The following ZFP42 variants were observed in gnomAD, a reference collection of about 807,000 sequenced individuals.
ZFP42 encodes the protein ZFP42 zinc finger protein, also known as zinc finger protein 42 homolog.
For synonymous variants in ZFP42, 175 were observed against 144.6 expected, an observed-to-expected ratio of 1.21 and a Z score of -1.51; for missense variants, 438 against 377.1, an observed-to-expected ratio of 1.16 and a Z score of -1.34.
At chr4:187,996,658 C>G (rs1482390236) in intron 1 of ZFP42, among the ~76,000 whole-genome samples, 2 of 152,108 alleles carry the variant, frequency 1.3e-5, no homozygotes, top group African/African-American at 4.8e-5. Context: ...TCCAATCCAC[C>G]GGCGAGCTGC....
chr4:188,003,689 C>T lies in ZFP42; in HGVS notation c.882C>T (p.Ala294=). The change falls in exon 4 of 4, where the codon GCC becomes GCT. Residue 294 remains alanine (A), a synonymous_variant. Coordinates refer to ENST00000326866, the MANE Select transcript of ZFP42 (RefSeq NM_174900.5). ...RRFIQSNNLK[A]HILTHANTNK... is the part of the protein sequence containing the mutation. ...TTATTCAGTCAAATAACCTGAAAGC[C>T]CACATCCTAACGCATGCAAATACGA... 1 of 1,613,914 alleles carries T rather than the reference C, an allele frequency of 6.2e-7. No individual in the cohort carries two copies. Among genetic ancestry groups the T allele is most frequent in the Non-Finnish European group, 8.5e-7 (1 of 1,180,002 alleles).
intron 3 of ZFP42, among the ~76,000 whole-genome samples, chr4:188,002,205 G>A (rs192904286): frequency 8.1e-4 from 123 of 152,212 alleles, no homozygotes; most frequent in African/African-American, 2.8e-3. Context: ...AGAAAAGACA[G>A]TATTTTGCTC....
intron 1 of ZFP42, among the ~76,000 whole-genome samples, chr4:187,996,722 TCCTCTGCCG>T (rs1179550565): frequency 6.6e-6 from 1 of 152,106 alleles, no homozygotes; most frequent in Non-Finnish European, 1.5e-5. Context: ...GCATTTCATC[TCCTCTGCCG>T]CCATCTGCTC....
At chr4:188,000,581 C>A (rs1733772550) in intron 3 of ZFP42, among the ~76,000 whole-genome samples, 1 of 152,040 alleles carries the variant, frequency 6.6e-6, no homozygotes, top group South Asian at 2.1e-4. Flanking sequence ...GCCATATTGG[C>A]CAGGCTGGTC....
Position 187,995,797 on chromosome 4 carries a change from AG to A in ZFP42, c.-380del, listed in dbSNP as rs1269771468. The A allele has an allele frequency of 6.6e-6, 1 of 152,234 alleles. No individual in the cohort carries two copies. The highest frequency in any genetic ancestry group is 1.5e-5 in the Non-Finnish European group (1 of 68,116). The allele number at this position is 152,234 out of a possible 1,614,324, so 9.4% of individuals were successfully genotyped here. A position where few individuals can be genotyped will look rare whatever the true frequency, so the allele number is the denominator to read the frequency against. On this transcript the variant is annotated 5_prime_UTR_variant, in exon 1 of 4. Transcript: ENST00000326866. ...GTTTCTCCTTTGTTTTACGTTTGGG[AG>A]GAGGTGGCATTGGAAATAGCAGAGT...
rs1733731675 is a variant in ZFP42 at position 187,999,605 on chromosome 4, C to T, written c.-172-4C>T. 6.6e-6 allele frequency: 1 copy of T among 152,234 alleles called. No individual in the cohort carries two copies. Among genetic ancestry groups the T allele is most frequent in the African/African-American group, 2.4e-5 (1 of 41,456 alleles). 9.4% of individuals were successfully genotyped at this position (152,234 alleles called of 1,614,324 possible). ...AATGCATACTCATGATTTCATCTCA[C>T]TAGACAAATGTACTGAGGCTGGAGC... On this transcript the variant is annotated splice_region_variant and splice_polypyrimidine_tract_variant and intron_variant, in intron 2 of 3. Transcript: ENST00000326866.
At chr4:187,998,284 G>A (rs184652030) in intron 1 of ZFP42, among the ~76,000 whole-genome samples, 2 of 152,112 alleles carry the variant, frequency 1.3e-5, no homozygotes, top group East Asian at 1.9e-4. Context: ...TGCTGTGAGC[G>A]GAGATCACGC....
intron 1 of ZFP42, among the ~76,000 whole-genome samples, chr4:187,997,933 G>A (rs1382856651): frequency 6.6e-6 from 1 of 152,120 alleles, no homozygotes; most frequent in African/African-American, 2.4e-5. Flanking sequence ...AAATTTTACA[G>A]AATAAGAATA....
intron 1 of ZFP42, among the ~76,000 whole-genome samples, chr4:187,997,139 A>T (rs932587842): frequency 1.3e-5 from 2 of 150,602 alleles, no homozygotes; most frequent in Non-Finnish European, 2.9e-5. Flanking sequence ...CCTCCTGCCC[A>T]CATCTGGCTC....
Position 188,003,515 on chromosome 4 carries a change from C to A in ZFP42, c.708C>A (p.Phe236Leu). ...FVESSKLKRH[F>L]LVHTGEKPFR... ...AGAGCTCAAAACTAAAGAGACATTT[C>A]CTGGTTCATACTGGAGAGAAGCCGT... The change falls in exon 4 of 4, where the codon TTC (phenylalanine) becomes TTA (leucine). Residue 236 changes from phenylalanine to leucine, a missense_variant. Transcript: ENST00000326866. 6.2e-7 allele frequency: 1 copy of A among 1,613,742 alleles called. No homozygotes were observed.
chr4:187,999,610 C>T lies in ZFP42; in HGVS notation c.-171C>T, dbSNP rs1259983056. 1 of 152,220 alleles carries T rather than the reference C, an allele frequency of 6.6e-6. No homozygotes were observed. The highest frequency in any genetic ancestry group is 1.5e-5 in the Non-Finnish European group (1 of 68,058). 9.4% of individuals were successfully genotyped at this position (152,220 alleles called of 1,614,324 possible). On this transcript the variant is annotated splice_region_variant and 5_prime_UTR_variant, in exon 3 of 4. Coordinates refer to ENST00000326866, the MANE Select transcript of ZFP42 (RefSeq NM_174900.5). The stretch of plus-strand genomic sequence containing the variant: ...ATACTCATGATTTCATCTCACTAGA[C>T]AAATGTACTGAGGCTGGAGCCTGTG...
At chr4:187,998,662 C>T (rs1332099436) in intron 1 of ZFP42, among the ~76,000 whole-genome samples, 3 of 152,150 alleles carry the variant, frequency 2.0e-5, no homozygotes, top group African/African-American at 7.2e-5. Context: ...TTACAGTTGC[C>T]TACAGTACTC....
chr4:187,996,621 T>A (rs1222895555), intron 1 of ZFP42, among the ~76,000 whole-genome samples: 2 of 152,106 alleles, frequency 1.3e-5, no homozygotes, highest in Non-Finnish European at 2.9e-5. Flanking sequence ...GACTCATTCT[T>A]GATTCCTGTT....
chr4:187,997,110 C>T (rs1467882683), intron 1 of ZFP42, among the ~76,000 whole-genome samples: 1 of 152,070 alleles, frequency 6.6e-6, no homozygotes, highest in African/African-American at 2.4e-5. Context: ...CTCGTCTCTT[C>T]CCACCCCCGT....
rs1394225165 is a variant in ZFP42, at chr4:187,995,808, T to C, written c.-371T>C. On this transcript the variant is annotated 5_prime_UTR_variant, in exon 1 of 4. Coordinates refer to ENST00000326866, the MANE Select transcript of ZFP42 (RefSeq NM_174900.5). ...GTTTTACGTTTGGGAGGAGGTGGCA[T>C]TGGAAATAGCAGAGTGCTTCGCGGT... 2 of 152,356 alleles carry C rather than the reference T, an allele frequency of 1.3e-5. No homozygotes were observed. The highest frequency in any genetic ancestry group is 2.9e-5 in the Non-Finnish European group (2 of 68,156). The allele number at this position is 152,356 out of a possible 1,614,324, so 9.4% of individuals were successfully genotyped here.
chr4:187,998,327 ACT>A (rs895857741), intron 1 of ZFP42, among the ~76,000 whole-genome samples: 4 of 148,674 alleles, frequency 2.7e-5, no homozygotes, highest in African/African-American at 9.7e-5. Flanking sequence ...CAAGAGGGAA[ACT>A]CTGTCTCAAA....
At chr4:187,997,250 T>TA (rs1733634146) in intron 1 of ZFP42, among the ~76,000 whole-genome samples, 1 of 141,862 alleles carries the variant, frequency 7.0e-6, no homozygotes, top group Non-Finnish European at 1.5e-5. Context: ...TTTTTTTTTT[T>TA]GAGACAGAGT....
At chr4:188,000,268 G>T (rs949646496) in intron 3 of ZFP42, among the ~76,000 whole-genome samples, 4 of 152,098 alleles carry the variant, frequency 2.6e-5, no homozygotes, top group African/African-American at 9.7e-5. Flanking sequence ...TTTTTTAAAT[G>T]GACTAATTGG....
At chr4:187,996,121 T>G (rs924962817) in intron 1 of ZFP42, among the ~76,000 whole-genome samples, 9 of 152,074 alleles carry the variant, frequency 5.9e-5, no homozygotes, top group African/African-American at 1.9e-4. Context: ...ATTGCATTTT[T>G]TATTTTATTT....
Sources: allele counts gnomAD v4.1 joint callset (sites outside exome capture counted in the v4.1 genomes callset), GRCh38; gene constraint gnomAD v4.1.1; transcripts MANE v1.5; gene names NCBI Gene and HGNC (gene_info 2026-07-23, HGNC 2026-07-21).